The following GNG4 variants were observed in gnomAD, a reference collection of about 807,000 sequenced individuals.
GNG4 encodes G protein subunit gamma 4, also known as guanine nucleotide-binding protein G(I)/G(S)/G(O) subunit gamma-4.
A neutral mutation model predicts 5.8 loss-of-function variants in GNG4; 4 were observed. The ratio of observed to expected loss-of-function variants is 0.69; its 90% CI spans 0.34 to 1.57. GNG4 has a LOEUF of 1.57. GNG4 is among the 40% of genes most tolerant of loss of function. GNG4 has a pLI of 0.06. For missense variants in GNG4, 96 were observed against 95.1 expected, an observed-to-expected ratio of 1.01 and a Z score of -0.04; for synonymous variants, 29 against 32.9, an observed-to-expected ratio of 0.88 and a Z score of 0.41.
chr1:235,579,981 T>C lies in GNG4; in HGVS notation c.99+3759A>G, dbSNP rs1469484716. ...TGCACACCCATGTTCCTAACAGCATTATTTACAATAGTCCAAAGGTGGAGA... is the reference window on the plus strand; with the variant it reads ...TGCACACCCATGTTCCTAACAGCATCATTTACAATAGTCCAAAGGTGGAGA... On this transcript the variant is annotated intron_variant, in intron 3 of 3. Transcript: ENST00000391854. Among the ~76,000 whole-genome samples, 4 of 152,142 alleles carry C rather than the reference T, an allele frequency of 2.6e-5. No individual in the cohort carries two copies. The East Asian group carries it at 5.8e-4, about 22-fold the overall frequency.
chr1:235,577,734 C>T (rs567535061), intron 3 of GNG4, among the ~76,000 whole-genome samples: 19 of 152,296 alleles, frequency 1.2e-4, no homozygotes, highest in African/African-American at 4.1e-4. Context: ...CCACTGCGCC[C>T]GGCCCATCTC....
Position 235,586,550 on chromosome 1 carries a change from T to C in GNG4, c.-10-2702A>G, listed in dbSNP as rs540945172. Among the ~76,000 whole-genome samples the C allele has an allele frequency of 5.3e-5, 8 of 152,268 alleles. No individual in the cohort carries two copies. The South Asian group carries it at 8.3e-4, about 16-fold the overall frequency. ...TCTCATGACGAAATGCGATTCCCAA[T>C]GTGGGAGGTGGGTCCTGGTGGGAGG... On this transcript the variant is annotated intron_variant, in intron 2 of 3. Transcript: ENST00000391854.
Position 235,606,459 on chromosome 1 carries a change from G to A in GNG4, c.-122-10948C>T, listed in dbSNP as rs993836555. On this transcript the variant is annotated intron_variant, in intron 1 of 3. Transcript: ENST00000391854. The stretch of plus-strand genomic sequence containing the variant: ...CTGGCTCTGGTAGGGAGACGGGGTG[G>A]AGAGCCAGGTGGTGAGGGTGGAAGA... Among the ~76,000 whole-genome samples the A allele has an allele frequency of 2.6e-5, 4 of 152,136 alleles. No homozygotes were observed. The South Asian group carries it at 8.3e-4, about 32-fold the overall frequency.
intron 1 of GNG4, among the ~76,000 whole-genome samples, chr1:235,619,827 A>C (rs1164092529): frequency 1.8e-4 from 27 of 152,234 alleles, no homozygotes; most frequent in Admixed American, 1.4e-3. Context: ...GATGTATTAA[A>C]TGTATAATTT....
At chr1:235,612,484 ACT>A (rs1389531387) in intron 1 of GNG4, among the ~76,000 whole-genome samples, 1 of 152,136 alleles carries the variant, frequency 6.6e-6, no homozygotes, top group African/African-American at 2.4e-5. Context: ...CACAAGCGTC[ACT>A]GTCTTGGTTC....
chr1:235,622,994 C>T (rs1296729241), intron 1 of GNG4, among the ~76,000 whole-genome samples: 3 of 151,550 alleles, frequency 2.0e-5, no homozygotes, highest in African/African-American at 4.9e-5. Flanking sequence ...GAGCTGAGAT[C>T]GCGCCACTGC....
At chr1:235,628,933 C>T (rs1160772743) in intron 1 of GNG4, among the ~76,000 whole-genome samples, 1 of 151,892 alleles carries the variant, frequency 6.6e-6, no homozygotes. Flanking sequence ...CATGCATTTC[C>T]TCTCTGACAA....
In GNG4 at chr1:235,588,095, C is replaced by T. The variant is rs1385841380; in HGVS notation, c.-10-4247G>A. Among the ~76,000 whole-genome samples, 5 of 152,006 alleles carry T rather than the reference C, an allele frequency of 3.3e-5. No homozygotes were observed. In the East Asian group the frequency reaches 9.6e-4, roughly 29 times the overall value. On this transcript the variant is annotated intron_variant, in intron 2 of 3. Transcript: ENST00000391854. ...GTTCAGACGGCCCTGATCCCTCAGC[C>T]CTTCCTCATTCTTCCGCTGTTCAAA...
intron 1 of GNG4, among the ~76,000 whole-genome samples, chr1:235,632,779 A>G (rs1688959877): frequency 6.6e-6 from 1 of 152,214 alleles, no homozygotes. Context: ...GCCTTTGTTG[A>G]GATTAAGTAA....
chr1:235,586,597 C>G (rs896883668), intron 2 of GNG4, among the ~76,000 whole-genome samples: 3 of 152,192 alleles, frequency 2.0e-5, no homozygotes, highest in Admixed American at 1.3e-4. Context: ...GGGGCCAGAT[C>G]AGTCAGGAAG....
intron 3 of GNG4, among the ~76,000 whole-genome samples, chr1:235,580,392 A>T (rs1687598866): frequency 6.6e-6 from 1 of 152,222 alleles, no homozygotes; most frequent in Non-Finnish European, 1.5e-5. Flanking sequence ...TTGTACATTT[A>T]AAAATGGTTA....
chr1:235,600,727 G>A (rs187655002), intron 1 of GNG4, among the ~76,000 whole-genome samples: 49 of 152,334 alleles, frequency 3.2e-4, no homozygotes, highest in African/African-American at 1.0e-3. Context: ...CTGGCTGAAA[G>A]CTGCTTTTTA....
intron 3 of GNG4, among the ~76,000 whole-genome samples, chr1:235,567,202 A>G (rs999588958): frequency 7.2e-5 from 11 of 152,128 alleles, no homozygotes; most frequent in Non-Finnish European, 1.5e-4. Context: ...CCAAAGTGCC[A>G]GGATTACAGA....
At chr1:235,579,526 CCT>C (rs1687572450) in intron 3 of GNG4, among the ~76,000 whole-genome samples, 1 of 151,944 alleles carries the variant, frequency 6.6e-6, no homozygotes. Flanking sequence ...TGATGAAGCC[CCT>C]GTGTAAGCAG....
At chr1:235,552,292 C>A in intron 3 of GNG4, 55 bp from the exon 4 acceptor site, 1 of 1,570,356 alleles carries the variant, frequency 6.4e-7, no homozygotes, top group East Asian at 2.2e-5. Flanking sequence ...CAGAGTGAGT[C>A]CAGGGAAGAG....
In GNG4 at chr1:235,649,550, G is replaced by C. The variant is rs1657604525; in HGVS notation, c.-123+112C>G. 1 of 152,240 alleles carries C rather than the reference G, an allele frequency of 6.6e-6. No homozygotes were observed. Among genetic ancestry groups the C allele is most frequent in the Non-Finnish European group, 1.5e-5 (1 of 68,096 alleles). The allele number at this position is 152,240 out of a possible 1,614,324, so 9.4% of individuals were successfully genotyped here. A position where few individuals can be genotyped will look rare whatever the true frequency, so the allele number is the denominator to read the frequency against. Reference sequence around the variant, plus strand: ...GCGTGAGGACCACACCGGCGCCAGAGCCGTCTCCCTAGGTCCGGAGACTTT... The same window carrying C: ...GCGTGAGGACCACACCGGCGCCAGACCCGTCTCCCTAGGTCCGGAGACTTT... On this transcript the variant is annotated intron_variant, in intron 1 of 3. Transcript: ENST00000391854. This position sits in a 1 kb window ranked among gnomAD's most constrained non-coding sequence, Gnocchi z 5.7.
At chr1:235,604,297 G>A (rs766384190) in intron 1 of GNG4, among the ~76,000 whole-genome samples, 3 of 152,212 alleles carry the variant, frequency 2.0e-5, no homozygotes, top group Non-Finnish European at 2.9e-5. Context: ...ACTGAAGTGG[G>A]CAGATCACCA....
intron 1 of GNG4, among the ~76,000 whole-genome samples, chr1:235,623,395 A>G (rs1321365954): frequency 6.6e-6 from 1 of 152,196 alleles, no homozygotes; most frequent in African/African-American, 2.4e-5. Context: ...CCACAAGAAT[A>G]AGGAGAAAAC....
chr1:235,593,904 G>A (rs866941427), intron 2 of GNG4, among the ~76,000 whole-genome samples: 25 of 152,330 alleles, frequency 1.6e-4, no homozygotes, highest in Middle Eastern at 6.8e-3. Flanking sequence ...AAAGAACAAA[G>A]CCTGCACAGC....
Sources: gnomAD v4.1 joint callset for allele counts (sites outside exome capture counted in the v4.1 genomes callset) on GRCh38, gnomAD v4.1.1 for gene constraint, Gnocchi (gnomAD v3.1) non-coding constraint, MANE v1.5 for transcripts, NCBI Gene and HGNC (gene_info 2026-07-23, HGNC 2026-07-21) for gene names.